The following MAN1A2 variants were observed in gnomAD, a reference collection of about 807,000 sequenced individuals.
MAN1A2 encodes the protein mannosidase alpha class 1A member 2.
In MAN1A2, 26 loss-of-function variants were observed where a neutral mutation model predicts 75.7. The observed-to-expected ratio is 0.34, with a 90% CI of 0.25 to 0.48. The LOEUF is 0.48. Among genes scored for constraint, MAN1A2 ranks in the 20% least tolerant of loss-of-function variants. The probability of loss-of-function intolerance (pLI) is 0.99; values close to 1 mark genes in which losing one functional copy is unlikely to be tolerated. For missense variants in MAN1A2, 562 were observed against 775.5 expected (o/e 0.72, Z 3.27); for synonymous variants, 247 against 264.6 (o/e 0.93, Z 0.65).
chr1:117,501,983 G>A (rs1651215554), intron 11 of MAN1A2, among the ~76,000 whole-genome samples: 1 of 151,808 alleles, frequency 6.6e-6, no homozygotes, highest in African/African-American at 2.4e-5. Flanking sequence ...TAAGCAGACT[G>A]TTTGGTTGCT....
chr1:117,382,485 T>C (rs1368779765), intron 1 of MAN1A2, among the ~76,000 whole-genome samples: 1 of 152,222 alleles, frequency 6.6e-6, no homozygotes, highest in African/African-American at 2.4e-5. Context: ...GAAGATCAGA[T>C]AGTTGTAGAT....
intron 10 of MAN1A2, among the ~76,000 whole-genome samples, chr1:117,498,441 C>T (rs1651101118): frequency 6.6e-6 from 1 of 151,684 alleles, no homozygotes; most frequent in South Asian, 2.1e-4. Context: ...AGGGAACAGC[C>T]ATTATATGCC....
chr1:117,460,053 T>A (rs1023547169), intron 6 of MAN1A2, among the ~76,000 whole-genome samples: 4 of 149,694 alleles, frequency 2.7e-5, no homozygotes, highest in African/African-American at 4.9e-5. Context: ...ATTATGGAAT[T>A]CCGTACAACT....
intron 12 of MAN1A2, among the ~76,000 whole-genome samples, chr1:117,514,656 C>T (rs78560755): frequency 0.076 from 11,602 of 152,116 alleles, 496 homozygotes; most frequent in Middle Eastern, 0.15. Context: ...GTCCATAAAA[C>T]ATCAATAGTA....
chr1:117,396,326 G>A (rs898202967), intron 1 of MAN1A2, among the ~76,000 whole-genome samples: 10 of 152,138 alleles, frequency 6.6e-5, no homozygotes, highest in African/African-American at 2.4e-4. Flanking sequence ...CCTCCCAGAA[G>A]CTGAAGTCAA....
intron 8 of MAN1A2, among the ~76,000 whole-genome samples, chr1:117,467,040 G>A (rs1439527775): frequency 2.0e-5 from 3 of 152,160 alleles, no homozygotes; most frequent in Non-Finnish European, 4.4e-5. Context: ...TGCCTGAGGG[G>A]AAAGTATTTT....
chr1:117,432,329 C>G lies in MAN1A2; in HGVS notation c.856-9902C>G, dbSNP rs557515825. Among the ~76,000 whole-genome samples, 16 of 151,710 alleles carry G rather than the reference C, an allele frequency of 1.1e-4. No homozygotes were observed. In the East Asian group the frequency reaches 3.1e-3, roughly 29 times the overall value. On this transcript the variant is annotated intron_variant, in intron 5 of 12. Transcript: ENST00000356554. The stretch of plus-strand genomic sequence containing the variant: ...TGTAGACAAAACAAGGAAAATATTA[C>G]AAAGTCGATTCTTTTAAAGTATCCA...
chr1:117,431,334 A>T lies in MAN1A2; in HGVS notation c.855+10685A>T, dbSNP rs188331510. ...GTAGGCATCAAATAACAGAGCTTTG[A>T]AATGTATGAATCACAAATGGAAGAA... On this transcript the variant is annotated intron_variant, in intron 5 of 12. Coordinates refer to ENST00000356554, the MANE Select transcript of MAN1A2 (RefSeq NM_006699.5). Among the ~76,000 whole-genome samples, 47 of 152,156 alleles carry T rather than the reference A, an allele frequency of 3.1e-4. No individual in the cohort carries two copies. In the East Asian group the frequency reaches 9.1e-3, roughly 29 times the overall value.
Position 117,523,438 on chromosome 1 carries a change from TAAAC to T in MAN1A2, c.*484_*487del, listed in dbSNP as rs1651924270. The T allele has an allele frequency of 3.0e-6, 1 of 329,080 alleles. No homozygotes were observed. Among genetic ancestry groups the T allele is most frequent in the African/African-American group, 2.2e-5 (1 of 45,830 alleles). The allele number at this position is 329,080 out of a possible 1,614,324, so 20.4% of individuals were successfully genotyped here. On this transcript the variant is annotated 3_prime_UTR_variant, in exon 13 of 13. Coordinates refer to ENST00000356554, the MANE Select transcript of MAN1A2 (RefSeq NM_006699.5). ...ATTTTAATAATGGAATGAACTAAAA[TAAAC>T]AAGAACAAAAGAATAGTATAATTAT...
rs184904100 is a variant in MAN1A2, at chr1:117,375,859, A to C, written c.302+7374A>C. On this transcript the variant is annotated intron_variant, in intron 1 of 12. Coordinates refer to ENST00000356554, the MANE Select transcript of MAN1A2 (RefSeq NM_006699.5). Reference sequence around the variant, plus strand: ...TTTAAGAGTTCAGATAAGTTATTCTATCTCTCCCCATTTTTGTTTTCTTTT... The same window carrying C: ...TTTAAGAGTTCAGATAAGTTATTCTCTCTCTCCCCATTTTTGTTTTCTTTT... Among the ~76,000 whole-genome samples, 37 of 151,460 alleles carry C rather than the reference A, an allele frequency of 2.4e-4. No homozygotes were observed. The East Asian group carries it at 6.2e-3, about 25-fold the overall frequency.
chr1:117,527,469 G>A lies in MAN1A2; in HGVS notation c.*4512G>A, dbSNP rs371207658. On this transcript the variant is annotated 3_prime_UTR_variant, in exon 13 of 13. Coordinates refer to ENST00000356554, the MANE Select transcript of MAN1A2 (RefSeq NM_006699.5). ...TCATTTTTAAATCAAAAAGATGTGC[G>A]TATATATGGTTGTGTGTATCTGTAT... The A allele has an allele frequency of 2.6e-5, 4 of 151,892 alleles. No homozygotes were observed. Among genetic ancestry groups the A allele is most frequent in the Non-Finnish European group, 5.9e-5 (4 of 67,902 alleles). 9.4% of individuals were successfully genotyped at this position (151,892 alleles called of 1,614,324 possible). A position where few individuals can be genotyped will look rare whatever the true frequency, so the allele number is the denominator to read the frequency against.
In MAN1A2 at chr1:117,466,333, G is replaced by A; in HGVS notation, c.1075-1G>A. On this transcript the variant is annotated splice_acceptor_variant, in intron 7 of 12. Transcript: ENST00000356554. LOFTEE classifies it high-confidence loss of function. The stretch of plus-strand genomic sequence containing the variant: ...TGCATTCTTAATTTTATTTTACTCA[G>A]GTTATGCACATTCGGAAACTACTTC... 6.3e-7 allele frequency: 1 copy of A among 1,588,384 alleles called. No individual in the cohort carries two copies. The highest frequency in any genetic ancestry group is 8.6e-7 in the Non-Finnish European group (1 of 1,160,050).
intron 8 of MAN1A2, among the ~76,000 whole-genome samples, chr1:117,483,741 G>GT (rs1232853883): frequency 6.6e-6 from 1 of 152,036 alleles, no homozygotes; most frequent in Non-Finnish European, 1.5e-5. Context: ...TCTCTTGCCT[G>GT]ATTGCCCTGG....
At chr1:117,398,647 C>G (rs528750947) in intron 1 of MAN1A2, among the ~76,000 whole-genome samples, 2 of 148,876 alleles carry the variant, frequency 1.3e-5, no homozygotes, top group Non-Finnish European at 3.0e-5. Flanking sequence ...GCACTACAGC[C>G]TGGGTGACAG....
chr1:117,383,538 C>G (rs1268589455), intron 1 of MAN1A2, among the ~76,000 whole-genome samples: 1 of 152,100 alleles, frequency 6.6e-6, no homozygotes, highest in Non-Finnish European at 1.5e-5. Flanking sequence ...TGCTGTTAAT[C>G]CTTCTTTAAA....
chr1:117,440,285 T>C (rs1394770244), intron 5 of MAN1A2, among the ~76,000 whole-genome samples: 11 of 152,214 alleles, frequency 7.2e-5, no homozygotes, highest in African/African-American at 9.6e-5. Context: ...CCAGGAACCA[T>C]GTATACCATG....
chr1:117,387,824 T>C (rs1169825816), intron 1 of MAN1A2, among the ~76,000 whole-genome samples: 5 of 152,098 alleles, frequency 3.3e-5, no homozygotes, highest in African/African-American at 1.2e-4. Flanking sequence ...GACTGCCACT[T>C]TCTCTGTGTG....
At chr1:117,505,769 AT>A (rs992049728) in intron 12 of MAN1A2, among the ~76,000 whole-genome samples, 54 of 151,298 alleles carry the variant, frequency 3.6e-4, no homozygotes, top group African/African-American at 1.3e-3. Flanking sequence ...ATGAGACAGA[AT>A]TTTTTATGTT....
chr1:117,489,098 T>C (rs530053103), intron 8 of MAN1A2, among the ~76,000 whole-genome samples: 2 of 152,234 alleles, frequency 1.3e-5, no homozygotes, highest in East Asian at 3.9e-4. Flanking sequence ...CTGATTCTCT[T>C]TAATGATTGT....
Sources: gnomAD v4.1 joint callset for allele counts (sites outside exome capture counted in the v4.1 genomes callset) on GRCh38, gnomAD v4.1.1 for gene constraint, MANE v1.5 for transcripts, NCBI Gene and HGNC (gene_info 2026-07-23, HGNC 2026-07-21) for gene names.